The following MYO9A variants were observed in gnomAD, a reference collection of about 807,000 sequenced individuals.
MYO9A encodes myosin IXA, also known as unconventional myosin-IXa.
MYO9A carries 103 observed loss-of-function variants against 293.3 expected under a neutral mutation model. The observed-to-expected ratio is 0.35, with a 90% CI of 0.30 to 0.41. MYO9A has a LOEUF of 0.41. Among genes scored for constraint, MYO9A ranks in the 10% least tolerant of loss-of-function variants. The pLI is 1.00. For synonymous variants in MYO9A, 1,001 were observed against 1,035.7 expected (o/e 0.97, Z 0.64); for missense variants, 2,685 against 3,033.0 (o/e 0.89, Z 2.69).
intron 2 of MYO9A, among the ~76,000 whole-genome samples, chr15:72,042,668 G>GAAA (rs768903437): frequency 8.3e-6 from 1 of 120,246 alleles, no homozygotes; most frequent in Non-Finnish European, 1.8e-5. Flanking sequence ...AATCAAGCAA[G>GAAA]AAAAAAAAAA....
At chr15:71,937,622 T>C (rs1394506187) in intron 16 of MYO9A, among the ~76,000 whole-genome samples, 4 of 152,150 alleles carry the variant, frequency 2.6e-5, no homozygotes, top group Non-Finnish European at 5.9e-5. Flanking sequence ...ATTTGTGTGA[T>C]TTGTTTTACT....
chr15:72,009,664 C>G (rs926786826), intron 7 of MYO9A, among the ~76,000 whole-genome samples: 2 of 151,688 alleles, frequency 1.3e-5, no homozygotes, highest in Non-Finnish European at 2.9e-5. Flanking sequence ...GCAGTGAGCA[C>G]TCCAGTCTGG....
chr15:71,893,377 AATG>A, intron 26 of MYO9A: 1 of 423,114 alleles, frequency 2.4e-6, no homozygotes, highest in East Asian at 5.7e-5. Flanking sequence ...GAAGGACTAG[AATG>A]GAAGCTAAAT....
Position 71,968,025 on chromosome 15 carries a change from T to C in MYO9A, c.1945A>G (p.Ile649Val). ...ACTTTTCCAGCATAATGTTTTATAA[T>C]GAAAGCAGGCTCCATCACGGCTGGA... is the stretch of plus-strand genomic sequence containing the variant. ...EFPAVMEPAFIIKHYAGKVKY... is the reference protein window; with the variant it reads ...EFPAVMEPAFVIKHYAGKVKY... Residue 649 changes from isoleucine (I) to valine (V), a missense_variant, in exon 13 of 42, where the codon ATT becomes GTT. Coordinates refer to ENST00000356056, the MANE Select transcript of MYO9A (RefSeq NM_006901.4). 3 of 1,612,262 alleles carry C rather than the reference T, an allele frequency of 1.9e-6. No individual in the cohort carries two copies. The highest frequency in any genetic ancestry group is 2.5e-6 in the Non-Finnish European group (3 of 1,179,262).
At position 71,893,679 on chromosome 15, in the gene MYO9A, C is replaced by T; in HGVS notation, c.5142G>A (p.Glu1714=). 6.2e-7 allele frequency: 1 copy of T among 1,611,194 alleles called. No individual in the cohort carries two copies. Residue 1714 remains glutamate, a splice_region_variant and synonymous_variant, in exon 26 of 42, where the codon GAG becomes GAA. Transcript: ENST00000356056. ...PVKLAGPGQR[E]TSQRFSSVDE... is the part of the protein sequence containing the mutation. ...AGATAAACAAAAACTCAAAACTTAC[C>T]TCTCTTTGGCCTGGCCCAGCTAACT... is the stretch of plus-strand genomic sequence containing the variant.
At chr15:71,830,460 G>T in intron 39 of MYO9A, 149 bp from the exon 40 acceptor site, 1 of 758,052 alleles carries the variant, frequency 1.3e-6, no homozygotes. Context: ...TATTTAGTGA[G>T]ACATATTCAT....
chr15:71,827,374 T>A (rs2054547472), intron 41 of MYO9A, among the ~76,000 whole-genome samples: 1 of 150,290 alleles, frequency 6.7e-6, no homozygotes, highest in Admixed American at 6.7e-5. Context: ...CTCCTTTGTA[T>A]ATGTATATAG....
At chr15:72,026,275 G>GAA (rs35491673) in intron 4 of MYO9A, among the ~76,000 whole-genome samples, 20 of 63,466 alleles carry the variant, frequency 3.2e-4, no homozygotes, top group African/African-American at 6.1e-4. Context: ...TCCGTCTCAA[G>GAA]AAAAAAAAAA....
At chr15:71,882,548 A>G (rs2056905904) in intron 28 of MYO9A, among the ~76,000 whole-genome samples, 2 of 152,088 alleles carry the variant, frequency 1.3e-5, no homozygotes, top group East Asian at 3.9e-4. Context: ...AGGTGGGAGG[A>G]TAGGTTGAGC....
chr15:71,893,127 G>A (rs1340813239), intron 26 of MYO9A: 4 of 1,289,990 alleles, frequency 3.1e-6, no homozygotes, highest in African/African-American at 1.5e-5. Flanking sequence ...TCAAGAAATC[G>A]GAGCGCGTCC....
At chr15:72,029,753 A>G (rs745770247) in intron 3 of MYO9A, among the ~76,000 whole-genome samples, 3 of 152,226 alleles carry the variant, frequency 2.0e-5, no homozygotes, top group Non-Finnish European at 4.4e-5. Context: ...GTGCCCTCCA[A>G]GTCTTTAAAA....
Position 71,960,063 on chromosome 15 carries a change from G to C in MYO9A, c.2020C>G (p.Pro674Ala), listed in dbSNP as rs1005419767. The C allele has an allele frequency of 1.2e-6, 2 of 1,613,930 alleles. No homozygotes were observed. The highest frequency in any genetic ancestry group is 1.7e-6 in the Non-Finnish European group (2 of 1,179,946). ...CTTCTCAGAAGAGCTACAATGTCTG[G>C]GCGCATATGATCTGTATTTTTTTCC... ...FREKNTDHMR[P>A]DIVALLRSSK... is the part of the protein sequence containing the mutation. The change falls in exon 14 of 42, where the codon CCA becomes GCA. Residue 674 changes from proline (P) to alanine (A), a missense_variant. By Grantham distance (27) the Pro-to-Ala change is conservative (BLOSUM62 -1). This residue lies in a region of MYO9A where 201 missense variants were observed against 245.2 expected (regional missense o/e 0.82). Transcript: ENST00000356056.
intron 24 of MYO9A, 32 bp from the exon 25 acceptor site, chr15:71,899,064 A>G: frequency 6.7e-7 from 1 of 1,492,300 alleles, no homozygotes; most frequent in Non-Finnish European, 9.0e-7. Flanking sequence ...GGGTTATAGA[A>G]ATATCTTAGT....
chr15:72,115,818 T>C (rs1455734063), intron 1 of MYO9A, among the ~76,000 whole-genome samples: 1 of 152,220 alleles, frequency 6.6e-6, no homozygotes, highest in East Asian at 1.9e-4. Flanking sequence ...TCAGGAATTT[T>C]TTTCAACTCA....
intron 11 of MYO9A, among the ~76,000 whole-genome samples, chr15:71,983,470 C>A (rs201485402): frequency 1.4e-4 from 10 of 72,888 alleles, no homozygotes; most frequent in East Asian, 4.8e-4. Flanking sequence ...TTTTTTATTT[C>A]TTTTTTTTTT....
chr15:71,920,812 T>C (rs969418478), intron 18 of MYO9A, among the ~76,000 whole-genome samples: 2 of 151,666 alleles, frequency 1.3e-5, no homozygotes, highest in African/African-American at 4.8e-5. Context: ...CCGGGCATGG[T>C]GACGCATGCC....
chr15:71,959,785 G>A (rs2059283455), intron 14 of MYO9A, 116 bp downstream of exon 14: 3 of 902,886 alleles, frequency 3.3e-6, no homozygotes, highest in Middle Eastern at 2.9e-4. Flanking sequence ...ACAGAAGCAG[G>A]ATTTTTGTCC....
At chr15:72,092,172 A>G (rs990768378) in intron 1 of MYO9A, among the ~76,000 whole-genome samples, 1 of 152,220 alleles carries the variant, frequency 6.6e-6, no homozygotes, top group Non-Finnish European at 1.5e-5. Context: ...TCATAGTCTC[A>G]TAATGATAGA....
intron 35 of MYO9A, among the ~76,000 whole-genome samples, chr15:71,852,815 T>C (rs933207915): frequency 1.2e-4 from 19 of 152,164 alleles, no homozygotes; most frequent in African/African-American, 4.6e-4. Context: ...TAAAAGATCA[T>C]GGCCAGGAGC....
Sources: allele counts gnomAD v4.1 joint callset (sites outside exome capture counted in the v4.1 genomes callset), GRCh38; gene constraint gnomAD v4.1.1; regional missense constraint gnomAD v4.1.1; transcripts MANE v1.5; gene names NCBI Gene and HGNC (gene_info 2026-07-23, HGNC 2026-07-21).